Variants in CNTN3 observed in about 807,000 individuals in gnomAD.
CNTN3 encodes the protein contactin-3.
In CNTN3, 60 loss-of-function variants were observed where a neutral mutation model predicts 119.1. The observed-to-expected ratio is 0.50, with a 90% CI of 0.41 to 0.62. The LOEUF (loss-of-function observed/expected upper bound fraction) is 0.62, where lower values mean the gene tolerates loss of function less well. CNTN3 is among the 20% of genes least tolerant of loss of function. The probability of loss-of-function intolerance (pLI) is 0.00; values close to 1 mark genes in which losing one functional copy is unlikely to be tolerated. For synonymous variants in CNTN3, 450 were observed against 438.7 expected (o/e 1.03, Z -0.32); for missense variants, 1,101 against 1,242.4 (o/e 0.89, Z 1.71).
intron 5 of CNTN3, among the ~76,000 whole-genome samples, chr3:74,407,620 A>G (rs928224578): frequency 6.6e-6 from 1 of 151,912 alleles, no homozygotes; most frequent in African/African-American, 2.4e-5. Context: ...AAAGACCTCG[A>G]AACTTGCTTC....
intron 13 of CNTN3, among the ~76,000 whole-genome samples, chr3:74,328,478 G>C (rs1285644637): frequency 6.6e-6 from 1 of 151,952 alleles, no homozygotes; most frequent in Non-Finnish European, 1.5e-5. Flanking sequence ...TTATAGCCTT[G>C]GTTTGTTTTA....
chr3:74,444,208 T>C lies in CNTN3; in HGVS notation c.359-19268A>G, dbSNP rs560723442. On this transcript the variant is annotated intron_variant, in intron 4 of 22. Coordinates refer to ENST00000263665, the MANE Select transcript of CNTN3 (RefSeq NM_020872.3). The stretch of plus-strand genomic sequence containing the variant: ...TAGTATGGCTCATCTTAACTACTTA[T>C]ATCTGCAACAACCCTATTTTCAAAC... 2.6e-5 allele frequency among the ~76,000 whole-genome samples: 4 copies of C among 152,182 alleles called. No homozygotes were observed. The East Asian group carries it at 7.7e-4, about 29-fold the overall frequency.
chr3:74,270,276 C>A (rs962986683), intron 20 of CNTN3, among the ~76,000 whole-genome samples: 2 of 152,040 alleles, frequency 1.3e-5, no homozygotes, highest in Non-Finnish European at 2.9e-5. Context: ...GGAATGTGGG[C>A]CAAAGGGAAA....
intron 2 of CNTN3, among the ~76,000 whole-genome samples, chr3:74,515,330 A>G (rs1490289034): frequency 6.6e-6 from 1 of 152,090 alleles, no homozygotes; most frequent in African/African-American, 2.4e-5. Flanking sequence ...GATAGTGGTC[A>G]TTACTTGTAT....
intron 19 of CNTN3, among the ~76,000 whole-genome samples, chr3:74,290,488 C>T (rs1019101703): frequency 5.3e-5 from 8 of 152,196 alleles, no homozygotes; most frequent in African/African-American, 1.9e-4. Flanking sequence ...TCAACAACCA[C>T]CAGTGACTGC....
At chr3:74,479,301 G>A (rs1702719199) in intron 4 of CNTN3, among the ~76,000 whole-genome samples, 1 of 152,048 alleles carries the variant, frequency 6.6e-6, no homozygotes, top group Non-Finnish European at 1.5e-5. Flanking sequence ...GTGGAATTTG[G>A]TTAGGTTGGT....
chr3:74,540,658 T>C (rs1186630212), intron 1 of CNTN3, among the ~76,000 whole-genome samples: 1 of 152,136 alleles, frequency 6.6e-6, no homozygotes, highest in African/African-American at 2.4e-5. Context: ...CTAAGTGACA[T>C]ATTGGTAGAA....
At chr3:74,436,310 C>T (rs1701865195) in intron 4 of CNTN3, among the ~76,000 whole-genome samples, 1 of 152,170 alleles carries the variant, frequency 6.6e-6, no homozygotes, top group Non-Finnish European at 1.5e-5. Flanking sequence ...GGTCTGTCTG[C>T]TCAGTAAGGC....
chr3:74,375,546 G>A (rs1486278983), intron 5 of CNTN3, among the ~76,000 whole-genome samples: 2 of 152,116 alleles, frequency 1.3e-5, no homozygotes, highest in East Asian at 1.9e-4. Context: ...TTCCAGATGG[G>A]CCTAATGTAA....
Position 74,521,046 on chromosome 3 carries a change from AT to A in CNTN3, c.55+11del, listed in dbSNP as rs530203676. ...CTAACCTCAACTTAGAAAATATAGG[AT>A]TTTTTTTTACCTCCTAAGCAGCCAA... On this transcript the variant is annotated intron_variant, in intron 2 of 22. Transcript: ENST00000263665. The A allele has an allele frequency of 3.7e-4, 576 of 1,540,130 alleles. No homozygotes were observed. The highest frequency in any genetic ancestry group is 2.8e-3 in the East Asian group (120 of 42,304).
In CNTN3 at chr3:74,441,002, G is replaced by T. The variant is rs142865709; in HGVS notation, c.359-16062C>A. Among the ~76,000 whole-genome samples the T allele has an allele frequency of 2.5e-3, 384 of 152,198 alleles. 2 individuals carry two copies. The highest frequency in any genetic ancestry group is 8.8e-3 in the African/African-American group (365 of 41,532). On this transcript the variant is annotated intron_variant, in intron 4 of 22. Coordinates refer to ENST00000263665, the MANE Select transcript of CNTN3 (RefSeq NM_020872.3). ...AAACAATCCCCCATGGACACCTAAG[G>T]ATGACTGTATTTACCCCTAACTTTA...
At chr3:74,544,923 G>C (rs905474129) in intron 1 of CNTN3, among the ~76,000 whole-genome samples, 5 of 152,074 alleles carry the variant, frequency 3.3e-5, no homozygotes, top group Non-Finnish European at 5.9e-5. Context: ...CAATAAGATG[G>C]GGAAGTAATG....
At chr3:74,406,994 G>C (rs1043979183) in intron 5 of CNTN3, among the ~76,000 whole-genome samples, 25 of 152,092 alleles carry the variant, frequency 1.6e-4, no homozygotes, top group Non-Finnish European at 2.6e-4. Flanking sequence ...TAAAAGAAAA[G>C]TATAAATTTT....
chr3:74,336,429 TCATAGTGTACTGAACATTGTGAAACA>T (rs2106712341), intron 12 of CNTN3, 76 bp downstream of exon 12: 1 of 1,244,730 alleles, frequency 8.0e-7, no homozygotes, highest in East Asian at 2.4e-5. Context: ...GGTTCTACCT[TCATAGTGTACTGAACATTGTGAAACA>T]CATAGTTACT....
chr3:74,317,366 TTGGTCCTGTCATTATGATGTTAGC>T (rs1298657666), intron 13 of CNTN3, among the ~76,000 whole-genome samples: 85 of 152,194 alleles, frequency 5.6e-4, no homozygotes, highest in African/African-American at 2.0e-3. Context: ...ATGTGTGTAT[TTGGTCCTGTCATTATGATGTTAGC>T]TGGTTATTTT....
chr3:74,454,885 T>A (rs1702236193), intron 4 of CNTN3, among the ~76,000 whole-genome samples: 1 of 152,234 alleles, frequency 6.6e-6, no homozygotes, highest in African/African-American at 2.4e-5. Context: ...CCACAGTTAG[T>A]CTGATGGGCT....
At chr3:74,410,362 A>T (rs1193657471) in intron 5 of CNTN3, among the ~76,000 whole-genome samples, 2 of 152,328 alleles carry the variant, frequency 1.3e-5, no homozygotes, top group Middle Eastern at 3.4e-3. Flanking sequence ...AGCCACAGGA[A>T]AAACAAAACA....
At chr3:74,600,374 C>T (rs1361721816) in intron 1 of CNTN3, among the ~76,000 whole-genome samples, 1 of 151,986 alleles carries the variant, frequency 6.6e-6, no homozygotes, top group Admixed American at 6.6e-5. Context: ...TTCCCATTTA[C>T]AGTTATATAA....
chr3:74,594,507 T>C (rs553616286), intron 1 of CNTN3, among the ~76,000 whole-genome samples: 32 of 151,554 alleles, frequency 2.1e-4, no homozygotes, highest in African/African-American at 7.2e-4. Flanking sequence ...TATGTTCTCA[T>C]TGTTCAATTC....
Sources: allele counts gnomAD v4.1 joint callset (sites outside exome capture counted in the v4.1 genomes callset), GRCh38; gene constraint gnomAD v4.1.1; transcripts MANE v1.5; gene names NCBI Gene and HGNC (gene_info 2026-07-23, HGNC 2026-07-21).